UNC79: variants seen among roughly 807,000 people sequenced by gnomAD.
UNC79 encodes the protein protein unc-79 homolog.
UNC79 carries 37 observed loss-of-function variants against 283.1 expected under a neutral mutation model. The ratio of observed to expected loss-of-function variants is 0.13; its 90% CI spans 0.10 to 0.17. The LOEUF (loss-of-function observed/expected upper bound fraction) is 0.17. Among genes scored for constraint, UNC79 ranks in the 10% least tolerant of loss-of-function variants. The pLI is 1.00. For synonymous variants in UNC79, 1,107 were observed against 1,200.2 expected (o/e 0.92, Z 1.61); for missense variants, 2,272 against 3,211.1 (o/e 0.71, Z 7.07).
intron 4 of UNC79, among the ~76,000 whole-genome samples, chr14:93,479,622 C>A (rs954404353): frequency 6.6e-6 from 1 of 151,122 alleles, no homozygotes; most frequent in African/African-American, 2.4e-5. Flanking sequence ...CTCCCTTCCT[C>A]TCTCTCTCTC....
chr14:93,347,377 C>T, intron 1 of UNC79: 3 of 1,555,672 alleles, frequency 1.9e-6, no homozygotes, highest in Non-Finnish European at 8.6e-7. Flanking sequence ...CCCGCGCCAG[C>T]GGCCCCTGTC....
chr14:93,588,101 C>T (rs754400686), intron 22 of UNC79, among the ~76,000 whole-genome samples: 7 of 151,374 alleles, frequency 4.6e-5, no homozygotes, highest in African/African-American at 1.5e-4. Context: ...TTTATTTTGC[C>T]GGATGGTGTG....
intron 40 of UNC79, among the ~76,000 whole-genome samples, chr14:93,667,116 AAAAG>A (rs1305157224): frequency 1.3e-5 from 2 of 151,976 alleles, no homozygotes; most frequent in Non-Finnish European, 2.9e-5. Flanking sequence ...TTCTTTGAAA[AAAAG>A]AAAGAAGGAA....
At chr14:93,450,352 A>G (rs529208220) in intron 1 of UNC79, among the ~76,000 whole-genome samples, 1 of 152,248 alleles carries the variant, frequency 6.6e-6, no homozygotes, top group South Asian at 2.1e-4. Context: ...TTGCCAAGGC[A>G]TTCTGCATTG....
chr14:93,557,032 A>G (rs2141368426), intron 14 of UNC79, among the ~76,000 whole-genome samples: 1 of 152,344 alleles, frequency 6.6e-6, no homozygotes. Flanking sequence ...GAGTGCAGTG[A>G]GAAGAGAGAG....
In UNC79 at chr14:93,643,681, A is replaced by G; in HGVS notation, c.6028A>G (p.Met2010Val). ...GGCAGCCCCGCTGCTGCTGGATATC[A>G]TGCAGTCTGTGGGAAGGTGAATGTC... The change falls in exon 34 of 49, where the codon ATG becomes GTG. Residue 2010 changes from methionine (M) to valine (V), a missense_variant. Met to Val is a conservative substitution (Grantham distance 21). Transcript: ENST00000555664. The G allele has an allele frequency of 6.2e-7, 1 of 1,612,748 alleles. No homozygotes were observed. Among genetic ancestry groups the G allele is most frequent in the Non-Finnish European group, 8.5e-7 (1 of 1,180,008 alleles).
At chr14:93,361,971 T>G (rs1308342422) in intron 1 of UNC79, among the ~76,000 whole-genome samples, 1 of 152,238 alleles carries the variant, frequency 6.6e-6, no homozygotes, top group Non-Finnish European at 1.5e-5. Context: ...TTTAGTTCTG[T>G]TCATGTGATG....
chr14:93,473,270 A>G (rs1595556511), intron 2 of UNC79, among the ~76,000 whole-genome samples: 1 of 152,148 alleles, frequency 6.6e-6, no homozygotes, highest in East Asian at 1.9e-4. Flanking sequence ...GAAGGTAACT[A>G]TTTAATAAAC....
chr14:93,544,919 G>C (rs570347217), intron 14 of UNC79, among the ~76,000 whole-genome samples: 40 of 152,252 alleles, frequency 2.6e-4, no homozygotes, highest in African/African-American at 9.6e-4. Context: ...TTCCTGAGTG[G>C]ACCAAACTGT....
At chr14:93,489,169 C>T (rs1478420217) in intron 5 of UNC79, among the ~76,000 whole-genome samples, 1 of 152,182 alleles carries the variant, frequency 6.6e-6, no homozygotes, top group African/African-American at 2.4e-5. Flanking sequence ...AAACTCCAGA[C>T]CTCAGTGATC....
chr14:93,554,147 A>T (rs1404572486), intron 14 of UNC79, among the ~76,000 whole-genome samples: 1 of 152,152 alleles, frequency 6.6e-6, no homozygotes, highest in Non-Finnish European at 1.5e-5. Flanking sequence ...CAGGAATTTG[A>T]GACCAGCCTG....
chr14:93,647,266 G>A (rs974576158), intron 35 of UNC79, among the ~76,000 whole-genome samples: 8 of 152,228 alleles, frequency 5.3e-5, no homozygotes, highest in South Asian at 2.1e-4. Flanking sequence ...TGGCTCTCAC[G>A]GAACTTACAT....
At chr14:93,507,980 G>T (rs2140811951) in intron 7 of UNC79, among the ~76,000 whole-genome samples, 1 of 151,914 alleles carries the variant, frequency 6.6e-6, no homozygotes, top group South Asian at 2.1e-4. Context: ...TGGCCCCTTG[G>T]TCATATTTTT....
At chr14:93,500,779 CTG>C (rs1567011490) in intron 7 of UNC79, among the ~76,000 whole-genome samples, 1 of 152,198 alleles carries the variant, frequency 6.6e-6, no homozygotes, top group Non-Finnish European at 1.5e-5. Flanking sequence ...TCTACTTTAA[CTG>C]TGTTACATCA....
chr14:93,567,546 G>T (rs550236800), intron 14 of UNC79, among the ~76,000 whole-genome samples: 2 of 151,860 alleles, frequency 1.3e-5, no homozygotes, highest in East Asian at 1.9e-4. Context: ...TTTTCTGTCC[G>T]TCACTTTCCT....
upstream of UNC79, among the ~76,000 whole-genome samples, chr14:93,427,913 T>A (rs2055767392): frequency 6.6e-6 from 1 of 152,160 alleles, no homozygotes; most frequent in Non-Finnish European, 1.5e-5. Context: ...ACATTAGTGT[T>A]CATGATTTTT....
Position 93,688,572 on chromosome 14 carries a change from C to T in UNC79, c.6910-93C>T, listed in dbSNP as rs113994559. On this transcript the variant is annotated intron_variant, in intron 43 of 48. Coordinates refer to ENST00000555664, the Ensembl canonical transcript of UNC79. This position sits in a 1 kb window ranked among gnomAD's most constrained non-coding sequence, Gnocchi z 4.0. ...GTTGTTTGCTCAGAGTGGCGATAAGCGGGGTGGAAATGACAACCTCTTCTT... is the reference window on the plus strand; with the variant it reads ...GTTGTTTGCTCAGAGTGGCGATAAGTGGGGTGGAAATGACAACCTCTTCTT... 8.2e-3 allele frequency: 11,516 copies of T among 1,405,148 alleles called. 244 individuals are homozygous for T. Among genetic ancestry groups the T allele is most frequent in the African/African-American group, 0.074 (5,208 of 70,050 alleles). 87.0% of individuals were successfully genotyped at this position (1,405,148 alleles called of 1,614,324 possible).
Position 93,347,922 on chromosome 14 carries a change from C to A in UNC79, c.-351+14399C>A, listed in dbSNP as rs966429134. On this transcript the variant is annotated intron_variant, in intron 1 of 49. Coordinates refer to the UNC79 transcript ENST00000256339. ...TTTCACTAGGCGCCTGTTTCTAGGA[C>A]AACGGTCTAGGTGCTCAAAATGTTT... 7.6e-6 allele frequency: 5 copies of A among 660,436 alleles called. No homozygotes were observed. The East Asian group carries it at 1.0e-4, about 14-fold the overall frequency. The allele number at this position is 660,436 out of a possible 1,614,324, so 40.9% of individuals were successfully genotyped here.
Position 93,621,919 on chromosome 14 carries a change from C to T in UNC79, c.4686C>T (p.Pro1562=), listed in dbSNP as rs747271361. Residue 1562 remains proline (P), a synonymous_variant, in exon 30 of 49, where the codon CCC becomes CCT. Transcript: ENST00000555664. This position sits in a 1 kb window ranked among gnomAD's most constrained non-coding sequence, Gnocchi z 4.8. ...CGAGGCCTGACAATAGTGAAATCCC[C>T]GAGAACCCAGCTATGGAAGGGTTTC... The T allele has an allele frequency of 1.2e-5, 19 of 1,613,914 alleles. No individual in the cohort carries two copies. In the East Asian group the frequency reaches 3.1e-4, roughly 26 times the overall value.
Sources: gnomAD v4.1 joint callset for allele counts (sites outside exome capture counted in the v4.1 genomes callset) on GRCh38, gnomAD v4.1.1 for gene constraint, Gnocchi (gnomAD v3.1) non-coding constraint, MANE v1.5 for transcripts, NCBI Gene and HGNC (gene_info 2026-07-23, HGNC 2026-07-21) for gene names.